Variants in ULK4 observed in about 807,000 individuals in gnomAD.
ULK4 encodes the protein unc-51 like kinase 4, also known as inactive serine/threonine-protein kinase ULK4.
In ULK4, 133 loss-of-function variants were observed where a neutral mutation model predicts 160.6. The ratio of observed to expected loss-of-function variants is 0.83; its 90% CI spans 0.72 to 0.96. The LOEUF is 0.96. ULK4 is among the 40% of genes least tolerant of loss of function. The pLI is 0.00. For synonymous variants in ULK4, 534 were observed against 539.8 expected, an observed-to-expected ratio of 0.99 and a Z score of 0.15; for missense variants, 1,580 against 1,499.5, an observed-to-expected ratio of 1.05 and a Z score of -0.89.
chr3:41,311,415 A>T (rs1192401502), intron 35 of ULK4, among the ~76,000 whole-genome samples: 1 of 152,166 alleles, frequency 6.6e-6, no homozygotes, highest in Non-Finnish European at 1.5e-5. Context: ...ACCCCAGCCT[A>T]CATCTTTCTC....
At chr3:41,621,986 A>G (rs1204093353) in intron 30 of ULK4, among the ~76,000 whole-genome samples, 1 of 152,240 alleles carries the variant, frequency 6.6e-6, no homozygotes, top group Non-Finnish European at 1.5e-5. Flanking sequence ...GAAGACATTT[A>G]CGTGGCCAAC....
intron 34 of ULK4, among the ~76,000 whole-genome samples, chr3:41,401,056 T>C (rs941221551): frequency 2.6e-5 from 4 of 152,182 alleles, no homozygotes; most frequent in Non-Finnish European, 4.4e-5. Context: ...ATATATAGTT[T>C]TGCAAATATT....
At chr3:41,854,930 T>C (rs1017458080) in intron 17 of ULK4, 8 of 137,046 alleles carry the variant, frequency 5.8e-5, no homozygotes, top group African/African-American at 2.2e-4. Flanking sequence ...TCAGTGGGCC[T>C]ATACACCCAT....
chr3:41,932,487 C>T (rs945918057), intron 4 of ULK4, among the ~76,000 whole-genome samples: 1 of 152,122 alleles, frequency 6.6e-6, no homozygotes, highest in African/African-American at 2.4e-5. Flanking sequence ...CTTTCTAATC[C>T]CCAATCTCTT....
At chr3:41,911,458 G>T in intron 10 of ULK4, 72 bp from the exon 11 acceptor site, 1 of 1,585,650 alleles carries the variant, frequency 6.3e-7, no homozygotes, top group Non-Finnish European at 8.7e-7. Context: ...CGTACACAAA[G>T]ATTTAAAGGG....
intron 9 of ULK4, 145 bp downstream of exon 9, chr3:41,912,662 A>G: frequency 1.6e-6 from 1 of 640,336 alleles, no homozygotes; most frequent in Non-Finnish European, 2.6e-6. Flanking sequence ...TAAACTCCTC[A>G]AGCAACCCTT....
chr3:41,666,496 A>G (rs917833712), intron 29 of ULK4, among the ~76,000 whole-genome samples: 1 of 152,198 alleles, frequency 6.6e-6, no homozygotes, highest in Non-Finnish European at 1.5e-5. Context: ...TTAAAGTCAG[A>G]AATAAAATAA....
intron 34 of ULK4, among the ~76,000 whole-genome samples, chr3:41,432,111 G>C (rs552663870): frequency 6.6e-6 from 1 of 152,112 alleles, no homozygotes; most frequent in East Asian, 1.9e-4. Context: ...GCTATTACGT[G>C]ATTATCCCTG....
chr3:41,341,455 C>CTTGAATGGATACA (rs1262537804), intron 35 of ULK4, among the ~76,000 whole-genome samples: 1 of 152,172 alleles, frequency 6.6e-6, no homozygotes, highest in Admixed American at 6.5e-5. Flanking sequence ...ACAATGGCAG[C>CTTGAATGGATACA]AGAGGCTTGG....
At chr3:41,299,284 A>C (rs2079734656) in intron 35 of ULK4, among the ~76,000 whole-genome samples, 1 of 152,200 alleles carries the variant, frequency 6.6e-6, no homozygotes, top group Admixed American at 6.5e-5. Flanking sequence ...TGTGAGACAG[A>C]CCAGCTGAGA....
chr3:41,421,701 A>G (rs2082667955), intron 34 of ULK4, among the ~76,000 whole-genome samples: 1 of 152,122 alleles, frequency 6.6e-6, no homozygotes, highest in African/African-American at 2.4e-5. Flanking sequence ...ATATTCCTAA[A>G]TGAAAGTTTT....
chr3:41,272,923 G>T (rs1183408157), intron 35 of ULK4, among the ~76,000 whole-genome samples: 1 of 151,804 alleles, frequency 6.6e-6, no homozygotes, highest in Non-Finnish European at 1.5e-5. Context: ...GTTTTCCTTA[G>T]GTCTTTTTTC....
At chr3:41,869,480 T>C (rs557307956) in intron 17 of ULK4, among the ~76,000 whole-genome samples, 2 of 151,870 alleles carry the variant, frequency 1.3e-5, no homozygotes, top group Non-Finnish European at 2.9e-5. Context: ...ACTCGGGAGG[T>C]TGAGGCATGA....
intron 36 of ULK4, among the ~76,000 whole-genome samples, chr3:41,247,428 G>A (rs1281324317): frequency 2.6e-5 from 4 of 152,218 alleles, no homozygotes; most frequent in Admixed American, 1.3e-4. Flanking sequence ...AGGTGTGGAT[G>A]TGCAATTAAG....
chr3:41,391,319 T>G (rs2081952848), intron 35 of ULK4, among the ~76,000 whole-genome samples: 1 of 152,124 alleles, frequency 6.6e-6, no homozygotes, highest in Non-Finnish European at 1.5e-5. Context: ...CCAGATTGCA[T>G]ATAAAATTGA....
chr3:41,736,697 T>C (rs1314349376), intron 22 of ULK4, among the ~76,000 whole-genome samples: 1 of 151,196 alleles, frequency 6.6e-6, no homozygotes, highest in African/African-American at 2.5e-5. Flanking sequence ...TTTAGTTTAA[T>C]TAGATCCCAT....
At chr3:41,499,040 A>C (rs796814805) in intron 32 of ULK4, among the ~76,000 whole-genome samples, 17 of 152,360 alleles carry the variant, frequency 1.1e-4, no homozygotes, top group African/African-American at 4.1e-4. Flanking sequence ...AACCTCAAAA[A>C]TGCTGTGGTA....
intron 35 of ULK4, among the ~76,000 whole-genome samples, chr3:41,292,130 G>A (rs2079578354): frequency 6.6e-6 from 1 of 152,064 alleles, no homozygotes; most frequent in East Asian, 1.9e-4. Context: ...ACCGCGCCCG[G>A]CCTCACTTGT....
chr3:41,725,994 T>G (rs538025719), intron 22 of ULK4, among the ~76,000 whole-genome samples: 3 of 152,282 alleles, frequency 2.0e-5, no homozygotes, highest in African/African-American at 7.2e-5. Flanking sequence ...AAAATAGAAA[T>G]GGTTATCTTT....
Sources: gnomAD v4.1 joint callset for allele counts (sites outside exome capture counted in the v4.1 genomes callset) on GRCh38, gnomAD v4.1.1 for gene constraint, MANE v1.5 for transcripts, NCBI Gene and HGNC (gene_info 2026-07-23, HGNC 2026-07-21) for gene names.